Variants in EBF2 observed in about 807,000 individuals in gnomAD.
The protein encoded by EBF2 is transcription factor COE2.
A neutral mutation model predicts 72.8 loss-of-function variants in EBF2; 21 were observed. The ratio of observed to expected loss-of-function variants is 0.29; its 90% CI spans 0.20 to 0.42. The LOEUF (loss-of-function observed/expected upper bound fraction) is 0.42. Ranked by LOEUF, EBF2 falls within the 10% of genes least tolerant of loss-of-function variation. The pLI is 1.00. For synonymous variants in EBF2, 299 were observed against 274.2 expected (o/e 1.09, Z -0.89); for missense variants, 637 against 731.2 (o/e 0.87, Z 1.49).
At chr8:25,850,116 T>A (rs1033126127) in intron 15 of EBF2, among the ~76,000 whole-genome samples, 12 of 152,246 alleles carry the variant, frequency 7.9e-5, no homozygotes, top group African/African-American at 1.4e-4. Context: ...TTTAAAAAAA[T>A]TTGATTATTT....
intron 15 of EBF2, among the ~76,000 whole-genome samples, chr8:25,849,028 T>C (rs921138467): frequency 2.6e-5 from 4 of 152,172 alleles, no homozygotes; most frequent in African/African-American, 7.2e-5. Context: ...TGGTCTTTGA[T>C]GAAAGATGGG....
chr8:25,998,838 T>A (rs1421093115), intron 6 of EBF2, among the ~76,000 whole-genome samples: 1 of 152,220 alleles, frequency 6.6e-6, no homozygotes, highest in Non-Finnish European at 1.5e-5. Flanking sequence ...AAAAGATTGA[T>A]ATCTCGTTAC....
chr8:25,879,900 A>G (rs1802580368), intron 10 of EBF2, among the ~76,000 whole-genome samples: 1 of 152,220 alleles, frequency 6.6e-6, no homozygotes, highest in Non-Finnish European at 1.5e-5. Flanking sequence ...TGATAGGGAA[A>G]AAAAGGTGAT....
At chr8:25,944,440 A>AATGTATAC (rs1190512407) in intron 6 of EBF2, among the ~76,000 whole-genome samples, 1 of 152,110 alleles carries the variant, frequency 6.6e-6, no homozygotes, top group Non-Finnish European at 1.5e-5. Context: ...GGCAGAGGTC[A>AATGTATAC]ATGTATACGG....
At chr8:25,852,337 C>G (rs1563374847) in intron 14 of EBF2, among the ~76,000 whole-genome samples, 1 of 152,014 alleles carries the variant, frequency 6.6e-6, no homozygotes, top group South Asian at 2.1e-4. Context: ...AAATCCCCAA[C>G]TTTTCATTTT....
At chr8:26,011,950 C>A (rs1805031640) in intron 6 of EBF2, among the ~76,000 whole-genome samples, 1 of 152,100 alleles carries the variant, frequency 6.6e-6, no homozygotes, top group African/African-American at 2.4e-5. Context: ...CCTTTTCCCA[C>A]CTCACTGTGG....
At position 26,044,270 on chromosome 8, in the gene EBF2, G is replaced by C. The variant is rs535716408; in HGVS notation, c.131+459C>G. Among the ~76,000 whole-genome samples the C allele has an allele frequency of 3.7e-3, 570 of 152,262 alleles. 3 individuals carry two copies. Among genetic ancestry groups the C allele is most frequent in the African/African-American group, 0.013 (554 of 41,552 alleles). ...TGGCCGCCGGCCTCCCAGGCTCCAG[G>C]AATCGCCCAGCAAGATGCGGGAGGT... is the stretch of plus-strand genomic sequence containing the variant. On this transcript the variant is annotated intron_variant, in intron 1 of 15. Coordinates refer to ENST00000520164, the MANE Select transcript of EBF2 (RefSeq NM_022659.4). This position sits in a 1 kb window ranked among gnomAD's most constrained non-coding sequence, Gnocchi z 4.1.
chr8:25,998,944 C>T (rs1421791420), intron 6 of EBF2, among the ~76,000 whole-genome samples: 3 of 152,078 alleles, frequency 2.0e-5, no homozygotes, highest in Non-Finnish European at 4.4e-5. Flanking sequence ...CACTTGCCAG[C>T]GCCACTGAGT....
At chr8:25,855,234 C>T (rs1802063990) in intron 14 of EBF2, among the ~76,000 whole-genome samples, 1 of 152,132 alleles carries the variant, frequency 6.6e-6, no homozygotes, top group Admixed American at 6.5e-5. Context: ...GGCACATATC[C>T]TCCTTTGCAT....
In EBF2 at chr8:25,844,212, G is replaced by C. The variant is rs1801787164; in HGVS notation, c.*397C>G. The C allele has an allele frequency of 6.2e-6, 1 of 161,030 alleles. No homozygotes were observed. The highest frequency in any genetic ancestry group is 1.8e-4 in the South Asian group (1 of 5,524). The allele number at this position is 161,030 out of a possible 1,614,324, so 10.0% of individuals were successfully genotyped here. A position where few individuals can be genotyped will look rare whatever the true frequency, so the allele number is the denominator to read the frequency against. ...AAATTGGTATCTGAAAGGCTTCATA[G>C]AAAATAGAAACTTTCAACTTTTTTT... is the stretch of plus-strand genomic sequence containing the variant. On this transcript the variant is annotated 3_prime_UTR_variant, in exon 16 of 16. Coordinates refer to ENST00000520164, the MANE Select transcript of EBF2 (RefSeq NM_022659.4).
chr8:26,044,609 T>C lies in EBF2; in HGVS notation c.131+120A>G, dbSNP rs1253598998. 5.6e-6 allele frequency: 8 copies of C among 1,437,992 alleles called. No homozygotes were observed. The highest frequency in any genetic ancestry group is 7.5e-6 in the Non-Finnish European group (8 of 1,063,982). The allele number at this position is 1,437,992 out of a possible 1,614,324, so 89.1% of individuals were successfully genotyped here. The stretch of plus-strand genomic sequence containing the variant: ...AGGGCGAGCCCCAGCGCGCAGGGCC[T>C]GGGCGACAGATGGGGGGACAGGGAG... On this transcript the variant is annotated intron_variant, in intron 1 of 15. Transcript: ENST00000520164. This position sits in a 1 kb window ranked among gnomAD's most constrained non-coding sequence, Gnocchi z 4.1.
At chr8:25,957,418 T>G (rs1293488572) in intron 6 of EBF2, among the ~76,000 whole-genome samples, 1 of 152,206 alleles carries the variant, frequency 6.6e-6, no homozygotes, top group Non-Finnish European at 1.5e-5. Context: ...CAGCATCCCA[T>G]CTGCTAGTTC....
intron 6 of EBF2, among the ~76,000 whole-genome samples, chr8:25,977,939 C>A (rs1804295301): frequency 6.6e-6 from 1 of 152,170 alleles, no homozygotes; most frequent in African/African-American, 2.4e-5. Flanking sequence ...TCCCCTCTAG[C>A]CTGACTTTTG....
chr8:25,902,552 A>G (rs1802973296), intron 7 of EBF2, among the ~76,000 whole-genome samples: 1 of 152,030 alleles, frequency 6.6e-6, no homozygotes, highest in Admixed American at 6.6e-5. Flanking sequence ...TATTTATTTA[A>G]TAATAATCTA....
intron 5 of EBF2, among the ~76,000 whole-genome samples, chr8:26,033,707 G>A (rs978729968): frequency 5.8e-4 from 88 of 151,880 alleles, no homozygotes; most frequent in Non-Finnish European, 1.8e-4. Flanking sequence ...GTTTACCTGT[G>A]TAACAAACCT....
chr8:25,855,892 G>A (rs1002906075), intron 14 of EBF2, among the ~76,000 whole-genome samples: 6 of 152,118 alleles, frequency 3.9e-5, no homozygotes, highest in African/African-American at 9.7e-5. Context: ...GTTTTCTCCC[G>A]TCTCTCTTTC....
intron 5 of EBF2, among the ~76,000 whole-genome samples, chr8:26,038,784 A>G (rs1359736920): frequency 6.6e-6 from 1 of 152,214 alleles, no homozygotes; most frequent in Non-Finnish European, 1.5e-5. Flanking sequence ...AGCCACTGGC[A>G]TTTGGAAAGT....
At chr8:25,978,901 G>C (rs1804311900) in intron 6 of EBF2, among the ~76,000 whole-genome samples, 1 of 152,178 alleles carries the variant, frequency 6.6e-6, no homozygotes, top group Non-Finnish European at 1.5e-5. Context: ...AGGGTCTGAC[G>C]CTGGGCGGGG....
chr8:25,950,273 A>G (rs1462736023), intron 6 of EBF2, among the ~76,000 whole-genome samples: 10 of 152,242 alleles, frequency 6.6e-5, no homozygotes. Flanking sequence ...ATATTTTCCT[A>G]AAACAAGATG....
Sources: allele counts gnomAD v4.1 joint callset (sites outside exome capture counted in the v4.1 genomes callset), GRCh38; gene constraint gnomAD v4.1.1; non-coding constraint Gnocchi (gnomAD v3.1); transcripts MANE v1.5; gene names NCBI Gene and HGNC (gene_info 2026-07-23, HGNC 2026-07-21).